The following CENPP variants were observed in gnomAD, a reference collection of about 807,000 sequenced individuals.
CENPP encodes the protein centromere protein P.
A neutral mutation model predicts 35.6 loss-of-function variants in CENPP; 24 were observed. The ratio of observed to expected loss-of-function variants is 0.67; its 90% CI spans 0.49 to 0.95. The LOEUF (loss-of-function observed/expected upper bound fraction) is 0.95, where lower values mean the gene tolerates loss of function less well. CENPP is among the 40% of genes least tolerant of loss of function. The probability of loss-of-function intolerance (pLI) is 0.00; values close to 1 mark genes in which losing one functional copy is unlikely to be tolerated. For synonymous variants in CENPP, 120 were observed against 125.5 expected (o/e 0.96, Z 0.29); for missense variants, 332 against 345.3 (o/e 0.96, Z 0.31).
chr9:92,395,699 G>A (rs935835026), intron 5 of CENPP, among the ~76,000 whole-genome samples: 2 of 152,030 alleles, frequency 1.3e-5, no homozygotes, highest in African/African-American at 2.4e-5. Context: ...TTTAATTTTA[G>A]CAATTGAAAT....
chr9:92,574,974 A>G (rs886647591), intron 5 of CENPP, among the ~76,000 whole-genome samples: 1 of 152,232 alleles, frequency 6.6e-6, no homozygotes, highest in Admixed American at 6.5e-5. Context: ...AATGACATTC[A>G]TTTAACACAT....
At chr9:92,402,077 G>T (rs746302614) in intron 5 of CENPP, among the ~76,000 whole-genome samples, 1 of 152,084 alleles carries the variant, frequency 6.6e-6, no homozygotes, top group African/African-American at 2.4e-5. Flanking sequence ...CTAAAGCCCT[G>T]TAAAGAGAAG....
chr9:92,617,866 T>G lies in CENPP; in HGVS notation c.*4717T>G, dbSNP rs188651832. On this transcript the variant is annotated 3_prime_UTR_variant, in exon 8 of 8. Transcript: ENST00000375587. ...CAGCGACAGGAAGGCAGATCCAACT[T>G]GAGACATTTTCCTTTATGACAGGGC... 65 of 210,926 alleles carry G rather than the reference T, an allele frequency of 3.1e-4. No individual in the cohort carries two copies. Among genetic ancestry groups the G allele is most frequent in the African/African-American group, 1.4e-3 (62 of 43,120 alleles). 13.1% of individuals were successfully genotyped at this position (210,926 alleles called of 1,614,324 possible).
At chr9:92,405,634 C>T (rs2130938751) in intron 5 of CENPP, among the ~76,000 whole-genome samples, 1 of 152,076 alleles carries the variant, frequency 6.6e-6, no homozygotes, top group South Asian at 2.1e-4. Context: ...AATAATGAAA[C>T]AACAGACATT....
chr9:92,374,365 C>G (rs1842079703), intron 4 of CENPP, among the ~76,000 whole-genome samples: 1 of 151,730 alleles, frequency 6.6e-6, no homozygotes, highest in South Asian at 2.1e-4. Flanking sequence ...CCACCACACC[C>G]AGCTAATTTT....
At chr9:92,464,329 C>T (rs978797900) in intron 5 of CENPP, among the ~76,000 whole-genome samples, 1 of 152,212 alleles carries the variant, frequency 6.6e-6, no homozygotes, top group Non-Finnish European at 1.5e-5. Context: ...ATAAAGAGCA[C>T]AGTGCTCATC....
intron 5 of CENPP, among the ~76,000 whole-genome samples, chr9:92,400,205 C>T (rs531992549): frequency 1.2e-4 from 18 of 152,138 alleles, no homozygotes; most frequent in Non-Finnish European, 1.8e-4. Context: ...GGCTGGAGTA[C>T]AATGGCACGA....
intron 4 of CENPP, among the ~76,000 whole-genome samples, chr9:92,372,940 A>G (rs1842043705): frequency 6.6e-6 from 1 of 151,736 alleles, no homozygotes; most frequent in African/African-American, 2.4e-5. Flanking sequence ...TTTGCATTGC[A>G]TTTGCTTTGA....
chr9:92,340,404 C>T (rs561448117), intron 3 of CENPP: 1 of 152,288 alleles, frequency 6.6e-6, no homozygotes, highest in East Asian at 1.9e-4. Context: ...ACAATATCTT[C>T]ACTTTATTTA....
At position 92,614,618 on chromosome 9, in the gene CENPP, A is replaced by G. The variant is rs1198531618; in HGVS notation, c.*1469A>G. 1 of 152,676 alleles carries G rather than the reference A, an allele frequency of 6.5e-6. No homozygotes were observed. The highest frequency in any genetic ancestry group is 1.5e-5 in the Non-Finnish European group (1 of 68,042). 9.5% of individuals were successfully genotyped at this position (152,676 alleles called of 1,614,324 possible). ...ACAAAATTTCCCACAAAAATTTACA[A>G]TCAGCAAAATAGTTTCCTTATTTCT... is the stretch of plus-strand genomic sequence containing the variant. On this transcript the variant is annotated 3_prime_UTR_variant, in exon 8 of 8. Transcript: ENST00000375587.
At chr9:92,503,735 AT>A (rs1178755964) in intron 5 of CENPP, among the ~76,000 whole-genome samples, 1 of 152,196 alleles carries the variant, frequency 6.6e-6, no homozygotes, top group Non-Finnish European at 1.5e-5. Context: ...TAATTTTGGT[AT>A]TTGTTAGAAA....
chr9:92,591,105 T>TA (rs1850652203), intron 5 of CENPP, among the ~76,000 whole-genome samples: 2 of 152,004 alleles, frequency 1.3e-5, no homozygotes, highest in South Asian at 2.1e-4. Flanking sequence ...CAAAAAGTAA[T>TA]AAAAAATTGT....
chr9:92,426,598 C>T (rs553903967), intron 5 of CENPP, among the ~76,000 whole-genome samples: 1 of 152,186 alleles, frequency 6.6e-6, no homozygotes, highest in South Asian at 2.1e-4. Context: ...ATGAATGAGG[C>T]ATGGGGGTAC....
chr9:92,583,412 T>C, intron 5 of CENPP, among the ~76,000 whole-genome samples: 1 of 152,220 alleles, frequency 6.6e-6, no homozygotes, highest in East Asian at 1.9e-4. Flanking sequence ...AGTGCAAGCT[T>C]TGTACCTATT....
At chr9:92,485,791 A>G (rs1846041965) in intron 5 of CENPP, among the ~76,000 whole-genome samples, 1 of 152,212 alleles carries the variant, frequency 6.6e-6, no homozygotes, top group African/African-American at 2.4e-5. Flanking sequence ...TCGGCCCCCC[A>G]AAGTGCTGAG....
intron 5 of CENPP, among the ~76,000 whole-genome samples, chr9:92,409,319 T>C (rs1389595595): frequency 1.3e-5 from 2 of 152,200 alleles, no homozygotes; most frequent in Non-Finnish European, 2.9e-5. Flanking sequence ...AAGAAATGGA[T>C]TTAGAATCAG....
intron 5 of CENPP, among the ~76,000 whole-genome samples, chr9:92,481,888 ATATT>A (rs1351309094): frequency 1.3e-5 from 2 of 152,120 alleles, no homozygotes; most frequent in African/African-American, 4.8e-5. Flanking sequence ...ATTGAAAAAT[ATATT>A]TACTGTTTCA....
chr9:92,474,863 A>C (rs1383183932), intron 5 of CENPP: 8 of 1,613,968 alleles, frequency 5.0e-6, no homozygotes, highest in Non-Finnish European at 6.8e-6. Flanking sequence ...GGCAGAGCAC[A>C]AAGCCAGGAA....
At chr9:92,529,841 T>A (rs1005035848) in intron 5 of CENPP, among the ~76,000 whole-genome samples, 2 of 152,188 alleles carry the variant, frequency 1.3e-5, no homozygotes, top group African/African-American at 4.8e-5. Flanking sequence ...CTTAGGGCAG[T>A]GAAACTCTTC....
Sources: gnomAD v4.1 joint callset for allele counts (sites outside exome capture counted in the v4.1 genomes callset) on GRCh38, gnomAD v4.1.1 for gene constraint, MANE v1.5 for transcripts, NCBI Gene and HGNC (gene_info 2026-07-23, HGNC 2026-07-21) for gene names.